Variants in VWF observed in about 807,000 individuals in gnomAD.
VWF encodes the protein Factor VIII related antigen.
A neutral mutation model predicts 308.6 loss-of-function variants in VWF; 176 were observed. The observed-to-expected ratio is 0.57, with a 90% confidence interval of 0.50 to 0.65. The LOEUF is 0.65. Ranked by LOEUF, VWF falls within the 30% of genes least tolerant of loss-of-function variation. The pLI, the probability that VWF is intolerant of heterozygous loss-of-function variation, is 0.00. For missense variants in VWF, 3,146 were observed against 3,648.2 expected, an observed-to-expected ratio of 0.86 and a Z score of 3.55; for synonymous variants, 1,385 against 1,443.4, an observed-to-expected ratio of 0.96 and a Z score of 0.92.
chr12:6,098,134 CT>C (rs1238096929), intron 5 of VWF, among the ~76,000 whole-genome samples: 3 of 152,172 alleles, frequency 2.0e-5, no homozygotes, highest in African/African-American at 7.2e-5. Context: ...CTCTGAAAGC[CT>C]AAGTAAAAGC....
At position 5,993,833 on chromosome 12, in the gene VWF, G is replaced by A; in HGVS notation, c.6598+29C>T. 4 of 1,606,758 alleles carry A rather than the reference G, an allele frequency of 2.5e-6. No individual in the cohort carries two copies. In the South Asian group the frequency reaches 4.4e-5, roughly 18 times the overall value. ...AGCAAGCCCAGTTAGCTGGTCTCCA[G>A]GATTTTCAGAGGTAACTTGGAGACT... is the stretch of plus-strand genomic sequence containing the variant. On this transcript the variant is annotated intron_variant, in intron 37 of 51. Transcript: ENST00000261405.
At chr12:6,015,027 A>G (rs1466206395) in intron 31 of VWF, among the ~76,000 whole-genome samples, 1 of 152,238 alleles carries the variant, frequency 6.6e-6, no homozygotes, top group African/African-American at 2.4e-5. Flanking sequence ...GGAATTTGCA[A>G]TGTGCTTCAG....
At chr12:5,980,090 GAA>G (rs1943582025) in intron 42 of VWF, among the ~76,000 whole-genome samples, 1 of 61,870 alleles carries the variant, frequency 1.6e-5, no homozygotes, top group Non-Finnish European at 3.0e-5. Context: ...AGAAAAGAAA[GAA>G]AGGAAGGAAG....
At chr12:6,027,200 AC>A (rs1457666449) in intron 22 of VWF, among the ~76,000 whole-genome samples, 1 of 151,858 alleles carries the variant, frequency 6.6e-6, no homozygotes, top group Non-Finnish European at 1.5e-5. Context: ...AACTACCATT[AC>A]CCCCAAGTCC....
chr12:6,044,991 C>T (rs1335038335), intron 17 of VWF, among the ~76,000 whole-genome samples: 1 of 152,192 alleles, frequency 6.6e-6, no homozygotes, highest in African/African-American at 2.4e-5. Context: ...ATCTCCCCTC[C>T]CTGCTGCTTC....
At chr12:5,954,594 G>A (rs1418946075) in intron 47 of VWF, among the ~76,000 whole-genome samples, 1 of 151,786 alleles carries the variant, frequency 6.6e-6, no homozygotes, top group African/African-American at 2.4e-5. Flanking sequence ...TGCTAGAATA[G>A]CTGGAAACTA....
chr12:5,983,794 G>GAGATAGATAGATAGATAGAT (rs11268064), intron 40 of VWF, among the ~76,000 whole-genome samples: 20,592 of 148,590 alleles, frequency 0.14, 1,647 homozygotes, highest in East Asian at 0.27. Flanking sequence ...AGATACAATA[G>GAGATAGATAGATAGATAGAT]AGATAGATAG....
chr12:6,070,466 TG>T (rs1247031262), intron 10 of VWF, among the ~76,000 whole-genome samples: 1 of 152,186 alleles, frequency 6.6e-6, no homozygotes, highest in Admixed American at 6.5e-5. Context: ...GTCAGGCAGT[TG>T]TGAGTTCAAG....
intron 3 of VWF, among the ~76,000 whole-genome samples, chr12:6,112,811 C>A (rs890090926): frequency 1.4e-5 from 2 of 145,402 alleles, no homozygotes; most frequent in African/African-American, 5.7e-5. Context: ...AGGACAACCA[C>A]ACACACAGAC....
At chr12:6,036,332 C>T (rs1944335623) in intron 19 of VWF, 56 bp downstream of exon 19, 3 of 1,545,330 alleles carry the variant, frequency 1.9e-6, no homozygotes, top group Non-Finnish European at 1.8e-6. Flanking sequence ...GCCGCGTGCA[C>T]CCTCACTCCA....
intron 47 of VWF, among the ~76,000 whole-genome samples, chr12:5,955,510 T>A (rs1049340957): frequency 6.6e-6 from 1 of 152,178 alleles, no homozygotes; most frequent in Non-Finnish European, 1.5e-5. Flanking sequence ...GAATGATGAT[T>A]TCCAGTTTCA....
chr12:6,121,326 G>A lies in VWF; in HGVS notation c.68C>T (p.Ala23Val). The change falls in exon 3 of 52, where the codon GCA becomes GTA. Residue 23 changes from alanine (A) to valine (V), a missense_variant. Ala to Val is a moderately conservative substitution (Grantham distance 64). This residue lies in a region of VWF where 1,304 missense variants were observed against 1,353.0 expected (regional missense o/e 0.96). Transcript: ENST00000261405. Reference sequence around the variant, plus strand: ...GGATGACCTGCCGCGAGTTCCTTCTGCACAAAGGGTCCCTGGAGGGAGAGG... The same window carrying A: ...GGATGACCTGCCGCGAGTTCCTTCTACACAAAGGGTCCCTGGAGGGAGAGG... The part of the protein sequence containing the change: ...LALILPGTLC[A>V]EGTRGRSSTA... 6.2e-7 allele frequency: 1 copy of A among 1,614,092 alleles called. No homozygotes were observed. The highest frequency in any genetic ancestry group is 2.2e-5 in the East Asian group (1 of 44,870).
intron 47 of VWF, among the ~76,000 whole-genome samples, chr12:5,965,876 G>A (rs1943396194): frequency 6.6e-6 from 1 of 152,210 alleles, no homozygotes; most frequent in Admixed American, 6.5e-5. Context: ...GGGATCTCAA[G>A]AGAGAGGAGG....
chr12:6,064,411 T>G, intron 11 of VWF, 27 bp from the exon 12 acceptor site: 1 of 1,613,514 alleles, frequency 6.2e-7, no homozygotes, highest in South Asian at 1.1e-5. Context: ...CAGGGTGACT[T>G]TGCTGCACCC....
chr12:5,985,259 T>A, intron 39 of VWF, 140 bp from the exon 40 acceptor site: 1 of 880,418 alleles, frequency 1.1e-6, no homozygotes, highest in Non-Finnish European at 1.9e-6. Flanking sequence ...ACGGGACCTC[T>A]GACAGATGAG....
chr12:6,058,125 T>TAAAA lies in VWF; in HGVS notation c.1534-85_1534-82dup. On this transcript the variant is annotated intron_variant, in intron 13 of 51. Transcript: ENST00000261405. This position sits in a 1 kb window ranked among gnomAD's most constrained non-coding sequence, Gnocchi z 4.9. ...TGTTTAGCTAATGAGATGGTTTTAA[T>TAAAA]AAAAAAAAAAAAGTTCCCCGGGTGA... is the stretch of plus-strand genomic sequence containing the variant. The TAAAA allele has an allele frequency of 4.3e-6, 5 of 1,170,072 alleles. No individual in the cohort carries two copies. Among genetic ancestry groups the TAAAA allele is most frequent in the Admixed American group, 2.9e-5 (1 of 35,066 alleles). 72.5% of individuals were successfully genotyped at this position (1,170,072 alleles called of 1,614,324 possible).
chr12:6,000,633 C>T (rs1036759100), intron 34 of VWF, among the ~76,000 whole-genome samples: 3 of 151,670 alleles, frequency 2.0e-5, no homozygotes, highest in Non-Finnish European at 2.9e-5. Context: ...CGGTGAAACC[C>T]CGTCTCTACA....
rs777908730 is a variant in VWF, at chr12:6,062,950, C to G, written c.1533+4G>C. The G allele has an allele frequency of 6.2e-7, 1 of 1,611,606 alleles. No homozygotes were observed. The highest frequency in any genetic ancestry group is 1.3e-5 in the African/African-American group (1 of 74,906). ...GGGAGCCAGTACCCCGTGAGGGCAC[C>G]TACCTTCACCAGCAGCCTCCCGCGG... On this transcript the variant is annotated splice_donor_region_variant and intron_variant, in intron 13 of 51. Coordinates refer to ENST00000261405, the MANE Select transcript of VWF (RefSeq NM_000552.5).
At chr12:5,949,994 A>G (rs1042616231) in intron 50 of VWF, 111 bp from the exon 51 acceptor site, 83 of 936,250 alleles carry the variant, frequency 8.9e-5, no homozygotes, top group Non-Finnish European at 1.4e-4. Flanking sequence ...ACAGTAACCA[A>G]ATAAAGCCAG....
Sources: allele counts gnomAD v4.1 joint callset (sites outside exome capture counted in the v4.1 genomes callset), GRCh38; gene constraint gnomAD v4.1.1; regional missense constraint gnomAD v4.1.1; non-coding constraint Gnocchi (gnomAD v3.1); transcripts MANE v1.5; gene names NCBI Gene and HGNC (gene_info 2026-07-23, HGNC 2026-07-21).